The following P4HA1 variants were observed in gnomAD, a reference collection of about 807,000 sequenced individuals.
The protein encoded by P4HA1 is prolyl 4-hydroxylase subunit alpha 1, also known as prolyl 4-hydroxylase subunit alpha-1.
In P4HA1, 24 loss-of-function variants were observed where a neutral mutation model predicts 72.8. The ratio of observed to expected loss-of-function variants is 0.33; its 90% confidence interval spans 0.24 to 0.46. The LOEUF is 0.46. Ranked by LOEUF, P4HA1 falls within the 20% of genes least tolerant of loss-of-function variation. The pLI is 1.00. For missense variants in P4HA1, 446 were observed against 640.6 expected, an observed-to-expected ratio of 0.70 and a Z score of 3.28; for synonymous variants, 201 against 218.8, an observed-to-expected ratio of 0.92 and a Z score of 0.72.
intron 9 of P4HA1, among the ~76,000 whole-genome samples, chr10:73,034,738 C>T (rs927817647): frequency 2.0e-5 from 3 of 151,848 alleles, no homozygotes; most frequent in Admixed American, 1.3e-4. Flanking sequence ...CAGGCATGCA[C>T]CACCATAGTT....
intron 5 of P4HA1, among the ~76,000 whole-genome samples, chr10:73,059,327 A>G (rs1841243234): frequency 1.3e-5 from 2 of 148,692 alleles, no homozygotes; most frequent in South Asian, 4.3e-4. Context: ...TGGCGGCTAG[A>G]GCCTGTAATC....
Position 73,007,770 on chromosome 10 carries a change from T to C in P4HA1, c.*452A>G, listed in dbSNP as rs58627517. On this transcript the variant is annotated 3_prime_UTR_variant, in exon 15 of 15. Transcript: ENST00000394890. ...GGAACCCAGTTAGTGTCCTAGTTTATTACTAGTCTTCAGATCCAGAAAACA... is the reference window on the plus strand; with the variant it reads ...GGAACCCAGTTAGTGTCCTAGTTTACTACTAGTCTTCAGATCCAGAAAACA... 0.046 allele frequency: 7,113 copies of C among 153,096 alleles called. 222 individuals are homozygous for C. The highest frequency in any genetic ancestry group is 0.16 in the African/African-American group (6,685 of 41,262). The allele number at this position is 153,096 out of a possible 1,614,324, so 9.5% of individuals were successfully genotyped here.
At chr10:73,070,251 G>A (rs1029300566) in intron 4 of P4HA1, among the ~76,000 whole-genome samples, 27 of 132,940 alleles carry the variant, frequency 2.0e-4, no homozygotes, top group Admixed American at 1.6e-3. Flanking sequence ...TCCAACTCCC[G>A]GTTCAAGCAA....
At chr10:73,095,274 A>G (rs528449368) in intron 1 of P4HA1, among the ~76,000 whole-genome samples, 12 of 150,220 alleles carry the variant, frequency 8.0e-5, no homozygotes, top group African/African-American at 2.7e-4. Context: ...GTGTATTCAC[A>G]TTTCACATGA....
chr10:73,037,487 CACAT>C (rs1442082463), intron 9 of P4HA1, among the ~76,000 whole-genome samples: 1 of 134,858 alleles, frequency 7.4e-6, no homozygotes, highest in Non-Finnish European at 1.6e-5. Context: ...ACCCGACACA[CACAT>C]AAGAATATTC....
chr10:73,034,224 A>C (rs1320893075), intron 9 of P4HA1, among the ~76,000 whole-genome samples: 1 of 152,192 alleles, frequency 6.6e-6, no homozygotes, highest in East Asian at 1.9e-4. Context: ...TAAAAAAATA[A>C]AAATTTGTGG....
At chr10:73,028,657 A>C (rs1456392132) in intron 10 of P4HA1, among the ~76,000 whole-genome samples, 1 of 151,508 alleles carries the variant, frequency 6.6e-6, no homozygotes, top group East Asian at 2.0e-4. Context: ...CTGGTCTCGA[A>C]CTCCTGACTT....
At chr10:73,090,723 A>C (rs574014263) in intron 1 of P4HA1, among the ~76,000 whole-genome samples, 5 of 152,300 alleles carry the variant, frequency 3.3e-5, no homozygotes, top group African/African-American at 1.2e-4. Context: ...AAATTCAGGC[A>C]TAGTAAATTG....
chr10:73,087,721 T>G (rs1841952142), intron 1 of P4HA1, among the ~76,000 whole-genome samples: 1 of 151,782 alleles, frequency 6.6e-6, no homozygotes, highest in South Asian at 2.1e-4. Flanking sequence ...AACTCCTGGA[T>G]TTTCAAGCAA....
intron 1 of P4HA1, among the ~76,000 whole-genome samples, chr10:73,085,246 A>ATCCT (rs1272429232): frequency 1.3e-5 from 2 of 152,228 alleles, no homozygotes; most frequent in Non-Finnish European, 1.5e-5. Context: ...AGCCAAAGAA[A>ATCCT]TAAATAAATT....
chr10:73,056,333 AC>A (rs1231858048), intron 5 of P4HA1, among the ~76,000 whole-genome samples: 1 of 152,186 alleles, frequency 6.6e-6, no homozygotes, highest in African/African-American at 2.4e-5. Flanking sequence ...GAAAATATGA[AC>A]AAATAAGATA....
At chr10:73,038,980 G>A (rs1261225367) in intron 9 of P4HA1, among the ~76,000 whole-genome samples, 3 of 152,140 alleles carry the variant, frequency 2.0e-5, no homozygotes, top group Non-Finnish European at 2.9e-5. Context: ...AAAGTTAACA[G>A]ATTGTCAGTA....
At position 73,045,887 on chromosome 10, in the gene P4HA1, A is replaced by AAAAC. The variant is rs1554840232; in HGVS notation, c.1078-837_1078-836insGTTT. Among the ~76,000 whole-genome samples the AAAAC allele has an allele frequency of 7.9e-5, 12 of 151,434 alleles. No homozygotes were observed. The East Asian group carries it at 2.3e-3, about 29-fold the overall frequency. ...TAATCTTTGGCCAAAAAAAAAAAAA[A>AAAAC]CCACCAATTTGGAGAAGCAGAAAAA... On this transcript the variant is annotated intron_variant, in intron 8 of 14. Transcript: ENST00000394890.
chr10:73,077,428 C>T (rs1841724222), intron 1 of P4HA1, among the ~76,000 whole-genome samples: 1 of 152,096 alleles, frequency 6.6e-6, no homozygotes, highest in Admixed American at 6.6e-5. Flanking sequence ...GAATTAAAAA[C>T]CATTAGCCTA....
At chr10:73,057,327 A>G (rs190632685) in intron 5 of P4HA1, among the ~76,000 whole-genome samples, 1 of 151,998 alleles carries the variant, frequency 6.6e-6, no homozygotes, top group Admixed American at 6.6e-5. Flanking sequence ...CGTCTCTACT[A>G]AAAATACAAA....
intron 11 of P4HA1, among the ~76,000 whole-genome samples, chr10:73,016,133 C>G (rs1478867221): frequency 6.6e-6 from 1 of 152,142 alleles, no homozygotes; most frequent in African/African-American, 2.4e-5. Context: ...AGCCAGAATT[C>G]CCCGTCCTTG....
rs200972100 is a variant in P4HA1 at position 73,030,286 on chromosome 10, T to C, written c.1233A>G (p.Thr411=). Residue 411 remains threonine (T), a synonymous_variant, in exon 10 of 15, where the codon ACA becomes ACG. Transcript: ENST00000394890. ...GATTACCTACCTGTAATTCCTCTGC[T>C]GTGGAAACATCTAGTCCTGTTAGAT... The part of the protein sequence containing the change: ...IQDLTGLDVS[T]AEELQVANYG... 1.3e-6 allele frequency: 2 copies of C among 1,541,682 alleles called. No individual in the cohort carries two copies. Among genetic ancestry groups the C allele is most frequent in the Non-Finnish European group, 1.8e-6 (2 of 1,128,628 alleles).
chr10:73,084,853 C>A (rs1834249732), intron 1 of P4HA1, among the ~76,000 whole-genome samples: 1 of 152,156 alleles, frequency 6.6e-6, no homozygotes, highest in African/African-American at 2.4e-5. Context: ...AATAAACTGG[C>A]CAGGCTTGGT....
chr10:73,094,208 T>C (rs767104080), intron 1 of P4HA1, among the ~76,000 whole-genome samples: 12 of 152,094 alleles, frequency 7.9e-5, no homozygotes, highest in Non-Finnish European at 1.3e-4. Flanking sequence ...CTATTAACTT[T>C]TGTTAAAACC....
Sources: gnomAD v4.1 joint callset for allele counts (sites outside exome capture counted in the v4.1 genomes callset) on GRCh38, gnomAD v4.1.1 for gene constraint, MANE v1.5 for transcripts, NCBI Gene and HGNC (gene_info 2026-07-23, HGNC 2026-07-21) for gene names.